Variants in TMEM232 observed in about 807,000 individuals in gnomAD.
TMEM232 encodes transmembrane protein 232.
TMEM232 carries 80 observed loss-of-function variants against 78.8 expected under a neutral mutation model. The ratio of observed to expected loss-of-function variants is 1.01; its 90% CI spans 0.85 to 1.22. The LOEUF (loss-of-function observed/expected upper bound fraction) is 1.22. Among genes scored for constraint, TMEM232 ranks in the 50% most tolerant of loss-of-function variants. The pLI, the probability that TMEM232 is intolerant of heterozygous loss-of-function variation, is 0.00. For missense variants in TMEM232, 881 were observed against 742.2 expected, an observed-to-expected ratio of 1.19 and a Z score of -2.17; for synonymous variants, 297 against 254.3, an observed-to-expected ratio of 1.17 and a Z score of -1.60.
chr5:110,505,653 T>G (rs1766796715), intron 12 of TMEM232, among the ~76,000 whole-genome samples: 1 of 152,006 alleles, frequency 6.6e-6, no homozygotes, highest in African/African-American at 2.4e-5. Context: ...ACTACAGAAG[T>G]GCACAACCAC....
At chr5:110,397,396 T>A (rs1417305412) in intron 3 of TMEM232, among the ~76,000 whole-genome samples, 1 of 152,142 alleles carries the variant, frequency 6.6e-6, no homozygotes, top group African/African-American at 2.4e-5. Context: ...AAATATCATC[T>A]CCCTATGTAG....
intron 7 of TMEM232, among the ~76,000 whole-genome samples, chr5:110,623,805 A>G (rs1299006758): frequency 6.6e-6 from 1 of 152,182 alleles, no homozygotes; most frequent in Non-Finnish European, 1.5e-5. Context: ...CTCTGTTATA[A>G]TCCCCTTACA....
chr5:110,400,444 CAG>C (rs1755548228), intron 2 of TMEM232, among the ~76,000 whole-genome samples: 2 of 151,920 alleles, frequency 1.3e-5, no homozygotes, highest in South Asian at 4.1e-4. Context: ...AATAAGAAAT[CAG>C]ACTTACTCTC....
At chr5:110,670,137 T>A (rs920193220) in intron 1 of TMEM232, among the ~76,000 whole-genome samples, 1 of 152,128 alleles carries the variant, frequency 6.6e-6, no homozygotes, top group East Asian at 1.9e-4. Context: ...GCCAGGGCAA[T>A]TAGACAGGAG....
intron 7 of TMEM232, 128 bp downstream of exon 7, chr5:110,625,139 C>T (rs975002691): frequency 2.0e-6 from 2 of 1,012,446 alleles, no homozygotes; most frequent in Non-Finnish European, 2.6e-6. Context: ...TTGCTGTTCA[C>T]CCCTCCTCCA....
chr5:110,658,607 T>C (rs2150091984), intron 2 of TMEM232, among the ~76,000 whole-genome samples: 1 of 152,302 alleles, frequency 6.6e-6, no homozygotes, highest in Admixed American at 6.5e-5. Context: ...AGAAACATTC[T>C]ATACTACATT....
At chr5:110,518,515 T>A (rs1472434435) in intron 12 of TMEM232, among the ~76,000 whole-genome samples, 1 of 152,210 alleles carries the variant, frequency 6.6e-6, no homozygotes, top group African/African-American at 2.4e-5. Flanking sequence ...TACACTAAAG[T>A]ATTTTTGCAA....
intron 12 of TMEM232, among the ~76,000 whole-genome samples, chr5:110,491,673 T>A (rs1765113019): frequency 6.6e-6 from 1 of 151,948 alleles, no homozygotes; most frequent in Non-Finnish European, 1.5e-5. Flanking sequence ...TTTAGAAACC[T>A]TCCATTAATT....
chr5:110,518,539 A>C (rs1409932014), intron 12 of TMEM232, among the ~76,000 whole-genome samples: 1 of 152,194 alleles, frequency 6.6e-6, no homozygotes, highest in Non-Finnish European at 1.5e-5. Flanking sequence ...TTATTTCTGC[A>C]CACAAGACTA....
At chr5:110,635,693 A>G (rs1785707407) in intron 5 of TMEM232, among the ~76,000 whole-genome samples, 1 of 151,938 alleles carries the variant, frequency 6.6e-6, no homozygotes, top group African/African-American at 2.4e-5. Context: ...AATAAAGACC[A>G]TATACCACAA....
At chr5:110,396,126 A>AG (rs1207743495) in intron 3 of TMEM232, among the ~76,000 whole-genome samples, 1 of 152,138 alleles carries the variant, frequency 6.6e-6, no homozygotes, top group Non-Finnish European at 1.5e-5. Context: ...CAGAAGGCAA[A>AG]GGGGAAGCAA....
upstream of TMEM232, among the ~76,000 whole-genome samples, chr5:110,729,382 T>C (rs1798459449): frequency 6.6e-6 from 1 of 152,194 alleles, no homozygotes; most frequent in Admixed American, 6.5e-5. Context: ...CCCTGCTCCC[T>C]AATAACCACA....
intron 1 of TMEM232, among the ~76,000 whole-genome samples, chr5:110,721,305 T>C (rs943739732): frequency 6.6e-6 from 1 of 152,074 alleles, no homozygotes; most frequent in African/African-American, 2.4e-5. Context: ...AGCTTTCTAA[T>C]AGTCTGGCTG....
intron 12 of TMEM232, among the ~76,000 whole-genome samples, chr5:110,445,189 A>C (rs1273315989): frequency 6.6e-6 from 1 of 151,468 alleles, no homozygotes; most frequent in Non-Finnish European, 1.5e-5. Flanking sequence ...CATTTTATTC[A>C]TTTGGATCCC....
chr5:110,591,260 C>G (rs1325647191), intron 10 of TMEM232, among the ~76,000 whole-genome samples: 1 of 152,074 alleles, frequency 6.6e-6, no homozygotes, highest in Non-Finnish European at 1.5e-5. Flanking sequence ...GAGTTTGAGA[C>G]CAGCCTGGGC....
At chr5:110,459,481 G>A (rs1761262298) in intron 12 of TMEM232, among the ~76,000 whole-genome samples, 1 of 151,918 alleles carries the variant, frequency 6.6e-6, no homozygotes, top group Non-Finnish European at 1.5e-5. Context: ...CATGCCTATA[G>A]GCCATCCAAA....
chr5:110,652,288 G>GCA (rs1561456400), intron 2 of TMEM232, among the ~76,000 whole-genome samples: 5 of 8,506 alleles, frequency 5.9e-4, no homozygotes, highest in African/African-American at 1.3e-3. Flanking sequence ...AAAAGTGCAC[G>GCA]CGCGCGCACA....
At chr5:110,551,525 G>A (rs1045167078) in intron 11 of TMEM232, among the ~76,000 whole-genome samples, 8 of 152,070 alleles carry the variant, frequency 5.3e-5, no homozygotes, top group Non-Finnish European at 1.2e-4. Flanking sequence ...GCCAGGACAC[G>A]TCTAACATTT....
intron 1 of TMEM232, among the ~76,000 whole-genome samples, chr5:110,713,085 T>G (rs1796658691): frequency 2.0e-5 from 3 of 151,428 alleles, no homozygotes; most frequent in Admixed American, 2.0e-4. Context: ...TAAAAAGGAA[T>G]AAGATTCTCT....
Sources: allele counts gnomAD v4.1 joint callset (sites outside exome capture counted in the v4.1 genomes callset), GRCh38; gene constraint gnomAD v4.1.1; transcripts MANE v1.5; gene names NCBI Gene and HGNC (gene_info 2026-07-23, HGNC 2026-07-21).